HDAC9: variants seen among roughly 807,000 people sequenced by gnomAD.
HDAC9 encodes histone deacetylase 9, also known as MEF-2 interacting transcription repressor (MITR) protein.
HDAC9 carries 41 observed loss-of-function variants against 139.4 expected under a neutral mutation model. That is an observed-to-expected ratio of 0.29 (90% CI 0.23 to 0.38). HDAC9 has a LOEUF of 0.38. HDAC9 is among the 10% of genes least tolerant of loss of function. The pLI is 1.00. For missense variants in HDAC9, 1,147 were observed against 1,297.0 expected, an observed-to-expected ratio of 0.88 and a Z score of 1.78; for synonymous variants, 517 against 476.2, an observed-to-expected ratio of 1.09 and a Z score of -1.12.
intron 2 of HDAC9, among the ~76,000 whole-genome samples, chr7:18,565,039 C>T (rs1286348445): frequency 2.0e-5 from 3 of 150,586 alleles, no homozygotes; most frequent in Non-Finnish European, 4.4e-5. Flanking sequence ...CTCTTGTTGC[C>T]CAGGCTGGAG....
chr7:18,567,409 C>T (rs183433210), intron 2 of HDAC9, among the ~76,000 whole-genome samples: 4 of 152,208 alleles, frequency 2.6e-5, no homozygotes, highest in Admixed American at 2.6e-4. Flanking sequence ...ATAATACTTA[C>T]CTTTTTAGCT....
At chr7:18,575,234 A>C (rs947248558) in intron 2 of HDAC9, among the ~76,000 whole-genome samples, 1 of 152,226 alleles carries the variant, frequency 6.6e-6, no homozygotes, top group African/African-American at 2.4e-5. Flanking sequence ...AAAAGATTCA[A>C]CTGTTGGTTA....
rs964176851 is a variant in HDAC9, at chr7:18,669,310, A to C, written c.1731+2834A>C. Reference sequence around the variant, plus strand: ...GTGTCGTAATAATTATGTCTATTACAGTGAGATCTTGAAATACAAGTAGAA... The same window carrying C: ...GTGTCGTAATAATTATGTCTATTACCGTGAGATCTTGAAATACAAGTAGAA... On this transcript the variant is annotated intron_variant, in intron 12 of 25. Transcript: ENST00000686413. Among the ~76,000 whole-genome samples the C allele has an allele frequency of 3.6e-4, 54 of 151,966 alleles. 1 individual carries two copies. The highest frequency in any genetic ancestry group is 1.3e-3 in the African/African-American group (53 of 41,544).
chr7:18,108,565 T>C (rs576505907), intron 1 of HDAC9, among the ~76,000 whole-genome samples: 1 of 152,128 alleles, frequency 6.6e-6, no homozygotes, highest in East Asian at 1.9e-4. Flanking sequence ...TGAGATCGTA[T>C]TCCTGAACAT....
At chr7:18,486,205 T>C (rs1359162616) in intron 1 of HDAC9, among the ~76,000 whole-genome samples, 2 of 152,158 alleles carry the variant, frequency 1.3e-5, no homozygotes, top group East Asian at 1.9e-4. Context: ...CACTGTTGCA[T>C]TGGGAATTAA....
At chr7:18,615,497 A>T (rs936821056) in intron 6 of HDAC9, among the ~76,000 whole-genome samples, 8 of 152,212 alleles carry the variant, frequency 5.3e-5, no homozygotes, top group African/African-American at 1.4e-4. Context: ...TACCCTATGG[A>T]ACTTTTACAG....
intron 24 of HDAC9, among the ~76,000 whole-genome samples, chr7:18,965,879 A>T (rs974746634): frequency 6.6e-6 from 1 of 152,198 alleles, no homozygotes; most frequent in Admixed American, 6.5e-5. Context: ...GCACTCAATT[A>T]GTAAGGGGCG....
At chr7:18,521,785 G>T (rs1288852946) in intron 2 of HDAC9, among the ~76,000 whole-genome samples, 1 of 151,974 alleles carries the variant, frequency 6.6e-6, no homozygotes, top group Non-Finnish European at 1.5e-5. Flanking sequence ...ATTTTACTTA[G>T]TATTGTTTTT....
intron 1 of HDAC9, among the ~76,000 whole-genome samples, chr7:18,364,811 A>T (rs1002865354): frequency 6.6e-6 from 1 of 152,156 alleles, no homozygotes; most frequent in African/African-American, 2.4e-5. Context: ...TAGGTGGCAA[A>T]TAAAAGAGAG....
intron 2 of HDAC9, among the ~76,000 whole-genome samples, chr7:18,236,069 C>T (rs552408804): frequency 4.6e-5 from 7 of 152,224 alleles, no homozygotes; most frequent in African/African-American, 9.6e-5. Flanking sequence ...TGTTGTCAAA[C>T]GCAGAGATGA....
intron 1 of HDAC9, among the ~76,000 whole-genome samples, chr7:18,090,878 A>G (rs1050669807): frequency 6.6e-6 from 1 of 152,176 alleles, no homozygotes; most frequent in East Asian, 1.9e-4. Flanking sequence ...AAGGACAGAA[A>G]CTTGTTCTTT....
chr7:18,453,562 G>A (rs535641885), intron 1 of HDAC9, among the ~76,000 whole-genome samples: 3 of 152,290 alleles, frequency 2.0e-5, no homozygotes, highest in African/African-American at 7.2e-5. Context: ...GCCTAAACTA[G>A]TGCCTGGGAG....
chr7:18,823,074 G>C (rs1199755170), intron 17 of HDAC9, among the ~76,000 whole-genome samples: 1 of 152,200 alleles, frequency 6.6e-6, no homozygotes, highest in Admixed American at 6.5e-5. Flanking sequence ...CAAAGAGGGA[G>C]AGAGGAAAGC....
Position 18,843,028 on chromosome 7 carries a change from CA to C in HDAC9, c.2684+7032del, listed in dbSNP as rs750354784. Among the ~76,000 whole-genome samples the C allele has an allele frequency of 8.6e-4, 131 of 152,116 alleles. 1 individual carries two copies. The highest frequency in any genetic ancestry group is 3.1e-3 in the Admixed American group (47 of 15,262). ...TCTTATTGTTTTTAAAAGGTCGGAT[CA>C]GCTATAAAAATTTTAAGACAATATT... On this transcript the variant is annotated intron_variant, in intron 21 of 25. Coordinates refer to ENST00000686413, the MANE Select transcript of HDAC9 (RefSeq NM_178425.4).
At chr7:18,288,150 G>GAATAACC (rs1797575413), upstream of HDAC9, among the ~76,000 whole-genome samples, 3 of 152,186 alleles carry the variant, frequency 2.0e-5, no homozygotes. Flanking sequence ...CATGGTATTT[G>GAATAACC]AATAACCAAC....
chr7:18,257,739 C>T (rs554922276), intron 2 of HDAC9, among the ~76,000 whole-genome samples: 56 of 152,228 alleles, frequency 3.7e-4, no homozygotes, highest in Non-Finnish European at 4.6e-4. Context: ...TAATGAATAT[C>T]CTTAAAAACA....
intron 1 of HDAC9, among the ~76,000 whole-genome samples, chr7:18,385,142 C>T (rs547112066): frequency 6.6e-6 from 1 of 152,240 alleles, no homozygotes; most frequent in African/African-American, 2.4e-5. Flanking sequence ...TTATTATAGA[C>T]ATTCGAGAAC....
intron 22 of HDAC9, among the ~76,000 whole-genome samples, chr7:18,891,507 C>T (rs758246282): frequency 6.6e-6 from 1 of 152,142 alleles, no homozygotes; most frequent in African/African-American, 2.4e-5. Context: ...TTAGGAAGAA[C>T]CACTGCAGGC....
At chr7:18,091,106 G>T (rs1782113139) in intron 1 of HDAC9, among the ~76,000 whole-genome samples, 1 of 152,172 alleles carries the variant, frequency 6.6e-6, no homozygotes, top group African/African-American at 2.4e-5. Flanking sequence ...TAAGCAGACA[G>T]TACCAAGAGC....
Sources: gnomAD v4.1 joint callset for allele counts (sites outside exome capture counted in the v4.1 genomes callset) on GRCh38, gnomAD v4.1.1 for gene constraint, MANE v1.5 for transcripts, NCBI Gene and HGNC (gene_info 2026-07-23, HGNC 2026-07-21) for gene names.